USP47: variants seen among roughly 807,000 people sequenced by gnomAD.
USP47 encodes ubiquitin specific peptidase 47, also known as ubiquitin carboxyl-terminal hydrolase 47.
In USP47, 35 loss-of-function variants were observed where a neutral mutation model predicts 165.1. The observed-to-expected ratio is 0.21, with a 90% CI of 0.16 to 0.28. The LOEUF (loss-of-function observed/expected upper bound fraction) is 0.28, where lower values mean the gene tolerates loss of function less well. Ranked by LOEUF, USP47 falls within the 10% of genes least tolerant of loss-of-function variation. The probability of loss-of-function intolerance (pLI) is 1.00; values close to 1 mark genes in which losing one functional copy is unlikely to be tolerated. For missense variants in USP47, 1,277 were observed against 1,607.4 expected, an observed-to-expected ratio of 0.79 and a Z score of 3.52; for synonymous variants, 531 against 544.5, an observed-to-expected ratio of 0.98 and a Z score of 0.35.
intron 4 of USP47, 120 bp from the exon 5 acceptor site, chr11:11,897,477 A>T: frequency 4.3e-6 from 3 of 702,838 alleles, no homozygotes; most frequent in Non-Finnish European, 7.0e-6. Context: ...AGTTGAAATA[A>T]TTTCCAAATG....
intron 1 of USP47, among the ~76,000 whole-genome samples, chr11:11,871,501 C>CAAAAAAAAAAAAAAAA (rs71037046): frequency 9.5e-5 from 6 of 63,152 alleles, no homozygotes; most frequent in Non-Finnish European, 1.7e-4. Context: ...AACTCCCTCT[C>CAAAAAAAAAAAAAAAA]AAAAAAAAAA....
chr11:11,887,063 G>A (rs1245082183), intron 3 of USP47, among the ~76,000 whole-genome samples: 1 of 152,136 alleles, frequency 6.6e-6, no homozygotes, highest in Non-Finnish European at 1.5e-5. Flanking sequence ...GGCCTGCCTT[G>A]CAAGAGCTCC....
intron 11 of USP47, among the ~76,000 whole-genome samples, chr11:11,926,653 T>A (rs1001471790): frequency 5.9e-5 from 9 of 151,894 alleles, no homozygotes; most frequent in African/African-American, 2.2e-4. Flanking sequence ...ATTCTCTATT[T>A]ATTTCTGCTC....
chr11:11,938,125 C>G, intron 17 of USP47, 132 bp from the exon 18 acceptor site: 1 of 648,336 alleles, frequency 1.5e-6, no homozygotes. Context: ...TATATTTATT[C>G]AGTGTTGTTT....
At chr11:11,921,589 G>T (rs1853843274) in intron 10 of USP47, among the ~76,000 whole-genome samples, 1 of 151,870 alleles carries the variant, frequency 6.6e-6, no homozygotes, top group Non-Finnish European at 1.5e-5. Flanking sequence ...TTGCGCTTAA[G>T]CTAGGAAATC....
intron 11 of USP47, among the ~76,000 whole-genome samples, chr11:11,927,084 A>G (rs1267358676): frequency 6.6e-6 from 1 of 151,906 alleles, no homozygotes; most frequent in Non-Finnish European, 1.5e-5. Flanking sequence ...ATAGAATTCT[A>G]GGTTGGTGGT....
chr11:11,884,488 G>A lies in USP47; in HGVS notation c.265G>A (p.Asp89Asn), dbSNP rs781125957. Residue 89 changes from aspartate (D) to asparagine (N), a missense_variant, in exon 3 of 28, where the codon GAC (aspartate) becomes AAC (asparagine). By Grantham distance (23) the Asp-to-Asn change is conservative (BLOSUM62 1). Coordinates refer to ENST00000527733, the MANE Select transcript of USP47 (RefSeq NM_001282659.2). ...ATAGGCACCACTGGATCATACCAGTGACAAGTCACTTCTCGACGCTAATTT... is the reference window on the plus strand; with the variant it reads ...ATAGGCACCACTGGATCATACCAGTAACAAGTCACTTCTCGACGCTAATTT... The part of the protein sequence containing the change: ...ADMAPLDHTS[D>N]KSLLDANFEP... 1.6e-5 allele frequency: 26 copies of A among 1,608,726 alleles called. No homozygotes were observed. In the Admixed American group the frequency reaches 1.7e-4, roughly 11 times the overall value.
intron 4 of USP47, among the ~76,000 whole-genome samples, chr11:11,896,569 T>A (rs1268726184): frequency 1.3e-5 from 2 of 152,212 alleles, no homozygotes; most frequent in Admixed American, 1.3e-4. Context: ...CCATACAAAC[T>A]TGTGTTACTT....
chr11:11,866,549 TTA>T (rs1849692450), intron 1 of USP47, among the ~76,000 whole-genome samples: 1 of 152,202 alleles, frequency 6.6e-6, no homozygotes, highest in Non-Finnish European at 1.5e-5. Context: ...CTATGGTAGT[TTA>T]GTAGAAATCA....
chr11:11,884,138 T>C (rs940591698), intron 2 of USP47, among the ~76,000 whole-genome samples: 14 of 152,180 alleles, frequency 9.2e-5, no homozygotes, highest in Admixed American at 9.2e-4. Flanking sequence ...ATATTGCATA[T>C]ATTGTATAGA....
Position 11,930,059 on chromosome 11 carries a change from A to G in USP47, c.1534A>G (p.Ile512Val), listed in dbSNP as rs1352984620. The G allele has an allele frequency of 1.2e-6, 2 of 1,613,416 alleles. No homozygotes were observed. The highest frequency in any genetic ancestry group is 1.7e-6 in the Non-Finnish European group (2 of 1,179,428). The change falls in exon 13 of 28, where the codon ATT becomes GTT. Residue 512 changes from isoleucine to valine, a missense_variant. Ile to Val is a conservative substitution (Grantham distance 29). Transcript: ENST00000527733. ...ACATTTTCAGATAACACAAGAGGACATTAAGAAAACACATGGTGGATCTTC... is the reference window on the plus strand; with the variant it reads ...ACATTTTCAGATAACACAAGAGGACGTTAAGAAAACACATGGTGGATCTTC... The part of the protein sequence containing the change: ...QHVSRITQED[I>V]KKTHGGSSGS...
intron 10 of USP47, among the ~76,000 whole-genome samples, chr11:11,920,736 T>G (rs1413958045): frequency 1.3e-5 from 2 of 151,888 alleles, no homozygotes; most frequent in Admixed American, 1.3e-4. Context: ...ATGATACTCT[T>G]TGAAAAGACA....
rs780456609 is a variant in USP47 at position 11,958,261 on chromosome 11, T to G, written c.*2086T>G. On this transcript the variant is annotated 3_prime_UTR_variant, in exon 28 of 28. Coordinates refer to ENST00000527733, the MANE Select transcript of USP47 (RefSeq NM_001282659.2). The stretch of plus-strand genomic sequence containing the variant: ...CTTTAGACTGTGCCTTCTGCTCTGT[T>G]CTTTGTTTTATGTTTAACTGCTGTT... 1 of 152,252 alleles carries G rather than the reference T, an allele frequency of 6.6e-6. No homozygotes were observed. Among genetic ancestry groups the G allele is most frequent in the African/African-American group, 2.4e-5 (1 of 41,468 alleles). 9.4% of individuals were successfully genotyped at this position (152,252 alleles called of 1,614,324 possible). A position where few individuals can be genotyped will look rare whatever the true frequency, so the allele number is the denominator to read the frequency against.
intron 7 of USP47, among the ~76,000 whole-genome samples, chr11:11,904,892 A>T (rs1018551807): frequency 6.6e-6 from 1 of 152,164 alleles, no homozygotes; most frequent in African/African-American, 2.4e-5. Flanking sequence ...TTTGATTTGC[A>T]TCTTGAGCTA....
In USP47 at chr11:11,957,403, A is replaced by G. The variant is rs1847253306; in HGVS notation, c.*1228A>G. On this transcript the variant is annotated 3_prime_UTR_variant, in exon 28 of 28. Coordinates refer to ENST00000527733, the MANE Select transcript of USP47 (RefSeq NM_001282659.2). The stretch of plus-strand genomic sequence containing the variant: ...ACTCAATGAACACAATTCTACATAA[A>G]TTTTGACATACCATCTAATTTATAA... The G allele has an allele frequency of 6.5e-6, 1 of 152,674 alleles. No individual in the cohort carries two copies. 9.5% of individuals were successfully genotyped at this position (152,674 alleles called of 1,614,324 possible). A position where few individuals can be genotyped will look rare whatever the true frequency, so the allele number is the denominator to read the frequency against.
intron 22 of USP47, 143 bp downstream of exon 22, chr11:11,948,701 C>A: frequency 1.5e-6 from 1 of 645,784 alleles, no homozygotes; most frequent in Non-Finnish European, 2.7e-6. Context: ...GCAGGCCATA[C>A]TGCCTCTGTT....
chr11:11,865,615 T>G (rs1018595488), intron 1 of USP47, among the ~76,000 whole-genome samples: 5 of 152,126 alleles, frequency 3.3e-5, no homozygotes, highest in Non-Finnish European at 7.4e-5. Context: ...CCATTTTACA[T>G]TCCTACCAGC....
At chr11:11,937,400 A>C (rs1272893186) in intron 17 of USP47, among the ~76,000 whole-genome samples, 1 of 151,784 alleles carries the variant, frequency 6.6e-6, no homozygotes, top group Admixed American at 6.6e-5. Context: ...GATCCTGTAT[A>C]TCTCCTTTTT....
intron 20 of USP47, among the ~76,000 whole-genome samples, chr11:11,944,044 T>A (rs902538244): frequency 6.6e-6 from 1 of 151,664 alleles, no homozygotes; most frequent in Admixed American, 6.6e-5. Flanking sequence ...CAAAAGTGCA[T>A]ATATAGCTAG....
Sources: gnomAD v4.1 joint callset for allele counts (sites outside exome capture counted in the v4.1 genomes callset) on GRCh38, gnomAD v4.1.1 for gene constraint, MANE v1.5 for transcripts, NCBI Gene and HGNC (gene_info 2026-07-23, HGNC 2026-07-21) for gene names.